The following TM9SF4 variants were observed in gnomAD, a reference collection of about 807,000 sequenced individuals.
TM9SF4 encodes the protein transmembrane 9 superfamily member 4.
Under a neutral mutation model 90.4 loss-of-function variants are expected in TM9SF4, and 26 were observed. The observed-to-expected ratio is 0.29, with a 90% CI of 0.21 to 0.40. The LOEUF (loss-of-function observed/expected upper bound fraction) is 0.40, where lower values mean the gene tolerates loss of function less well. Ranked by LOEUF, TM9SF4 falls within the 10% of genes least tolerant of loss-of-function variation. The pLI, the probability that TM9SF4 is intolerant of heterozygous loss-of-function variation, is 1.00. For synonymous variants in TM9SF4, 293 were observed against 315.4 expected (o/e 0.93, Z 0.75); for missense variants, 549 against 834.8 (o/e 0.66, Z 4.22).
chr20:32,140,919 T>C (rs1363760025), intron 3 of TM9SF4, among the ~76,000 whole-genome samples: 3 of 151,912 alleles, frequency 2.0e-5, no homozygotes, highest in Admixed American at 6.6e-5. Flanking sequence ...CCCAGAGGCA[T>C]AGAAGGATGT....
intron 1 of TM9SF4, among the ~76,000 whole-genome samples, chr20:32,132,372 C>G (rs1462841705): frequency 1.3e-5 from 2 of 151,916 alleles, no homozygotes; most frequent in African/African-American, 4.8e-5. Context: ...CCATTGTACT[C>G]CAACCTGGGT....
intron 1 of TM9SF4, among the ~76,000 whole-genome samples, chr20:32,122,420 C>A (rs1410808513): frequency 6.7e-6 from 1 of 149,588 alleles, no homozygotes; most frequent in Non-Finnish European, 1.5e-5. Context: ...GGGGGTGCTG[C>A]CGGGCGGAGA....
intron 1 of TM9SF4, among the ~76,000 whole-genome samples, chr20:32,124,576 A>G (rs1210796877): frequency 1.4e-5 from 2 of 143,596 alleles, no homozygotes; most frequent in Non-Finnish European, 3.0e-5. Flanking sequence ...TGACCTCTGA[A>G]GTTCTTTTAA....
intron 1 of TM9SF4, among the ~76,000 whole-genome samples, chr20:32,129,471 C>T (rs1188892531): frequency 2.6e-5 from 4 of 151,880 alleles, no homozygotes. Flanking sequence ...CCACCCTGGA[C>T]AACAGAGTGA....
intron 1 of TM9SF4, among the ~76,000 whole-genome samples, chr20:32,110,543 T>C (rs2046128205): frequency 6.6e-6 from 1 of 152,168 alleles, no homozygotes; most frequent in Non-Finnish European, 1.5e-5. Flanking sequence ...CCCAGGAATC[T>C]GCCCTTTTAT....
chr20:32,122,926 G>A (rs1301393160), intron 1 of TM9SF4, among the ~76,000 whole-genome samples: 1 of 151,848 alleles, frequency 6.6e-6, no homozygotes, highest in Non-Finnish European at 1.5e-5. Flanking sequence ...CGGCACCTCG[G>A]GAGGCCGAGG....
intron 12 of TM9SF4, among the ~76,000 whole-genome samples, chr20:32,151,964 C>T (rs1307457281): frequency 6.6e-6 from 1 of 151,404 alleles, no homozygotes; most frequent in Admixed American, 6.6e-5. Context: ...TGGGTTCACA[C>T]TATTCTCCTG....
intron 10 of TM9SF4, among the ~76,000 whole-genome samples, chr20:32,150,139 G>A (rs1484561229): frequency 6.6e-6 from 1 of 152,174 alleles, no homozygotes; most frequent in African/African-American, 2.4e-5. Flanking sequence ...CTAATATATA[G>A]TAATTTTAGA....
intron 17 of TM9SF4, among the ~76,000 whole-genome samples, chr20:32,163,478 C>G (rs905663384): frequency 1.2e-4 from 18 of 150,728 alleles, no homozygotes; most frequent in Admixed American, 1.1e-3. Flanking sequence ...GACTGTCTTT[C>G]GTCTACCATG....
At chr20:32,111,774 T>C (rs561339771) in intron 1 of TM9SF4, among the ~76,000 whole-genome samples, 3 of 152,148 alleles carry the variant, frequency 2.0e-5, no homozygotes, top group African/African-American at 7.2e-5. Flanking sequence ...GCAAAGGAAA[T>C]GGCAAGTGTA....
intron 1 of TM9SF4, among the ~76,000 whole-genome samples, chr20:32,123,213 GGGGGA>G (rs2046359943): frequency 6.9e-5 from 1 of 14,484 alleles, no homozygotes; most frequent in African/African-American, 1.7e-4. Flanking sequence ...GGAGGGGGAG[GGGGGA>G]GGGGGAGAGG....
chr20:32,136,023 G>C, intron 2 of TM9SF4, 51 bp from the exon 3 acceptor site: 1 of 1,521,170 alleles, frequency 6.6e-7, no homozygotes, highest in Non-Finnish European at 9.1e-7. Flanking sequence ...AAGATGTGTG[G>C]GTACCAGGGA....
At chr20:32,163,245 C>CAAAAAA (rs67827616) in intron 17 of TM9SF4, among the ~76,000 whole-genome samples, 2 of 41,046 alleles carry the variant, frequency 4.9e-5, no homozygotes, top group African/African-American at 1.0e-4. Flanking sequence ...GACTCCATCT[C>CAAAAAA]AAAAAAAAAA....
At chr20:32,163,268 A>AAAAATATATATATAT (rs1555886757) in intron 17 of TM9SF4, among the ~76,000 whole-genome samples, 12 of 74,436 alleles carry the variant, frequency 1.6e-4, no homozygotes, top group African/African-American at 6.5e-4. Flanking sequence ...AAAAAAAAAA[A>AAAAATATATATATAT]ATATATATAT....
At chr20:32,163,852 CCGT>C (rs2047063107) in intron 17 of TM9SF4, among the ~76,000 whole-genome samples, 1 of 152,022 alleles carries the variant, frequency 6.6e-6, no homozygotes. Flanking sequence ...CTCATGTGAT[CCGT>C]CTGCCTCAGC....
chr20:32,124,193 G>A (rs1291109206), intron 1 of TM9SF4, among the ~76,000 whole-genome samples: 1 of 152,040 alleles, frequency 6.6e-6, no homozygotes, highest in Non-Finnish European at 1.5e-5. Context: ...AGTAAAACTA[G>A]CCTGCCTTCA....
In TM9SF4 at chr20:32,146,836, A is replaced by G. The variant is rs372609894; in HGVS notation, c.935A>G (p.Tyr312Cys). 3.1e-6 allele frequency: 5 copies of G among 1,613,848 alleles called. No individual in the cohort carries two copies. Among genetic ancestry groups the G allele is most frequent in the Non-Finnish European group, 4.2e-6 (5 of 1,179,976 alleles). The change falls in exon 9 of 18, where the codon TAC becomes TGC. Residue 312 changes from tyrosine to cysteine, a missense_variant. By Grantham distance (194) the Tyr-to-Cys change is radical. Transcript: ENST00000398022. ...ACCCTCCGGAAGGACATTGCCAACT[A>G]CAACAAGGAGGATGACATTGTACGA... ...IRTLRKDIAN[Y>C]NKEDDIEDTM...
chr20:32,146,197 C>G (rs889672618), intron 8 of TM9SF4, among the ~76,000 whole-genome samples: 1 of 152,148 alleles, frequency 6.6e-6, no homozygotes, highest in Non-Finnish European at 1.5e-5. Context: ...TAAGTGAACT[C>G]AAGGTCATAT....
chr20:32,129,630 C>G (rs2046481606), intron 1 of TM9SF4, among the ~76,000 whole-genome samples: 1 of 148,852 alleles, frequency 6.7e-6, no homozygotes, highest in Admixed American at 6.6e-5. Context: ...ATAGAGTCTC[C>G]CTTTGTCGCC....
Sources: gnomAD v4.1 joint callset for allele counts (sites outside exome capture counted in the v4.1 genomes callset) on GRCh38, gnomAD v4.1.1 for gene constraint, MANE v1.5 for transcripts, NCBI Gene and HGNC (gene_info 2026-07-23, HGNC 2026-07-21) for gene names.